SLIT2: variants seen among roughly 807,000 people sequenced by gnomAD.
SLIT2 encodes slit guidance ligand 2.
SLIT2 carries 41 observed loss-of-function variants against 185.7 expected under a neutral mutation model. That is an observed-to-expected ratio of 0.22 (90% CI 0.17 to 0.29). The LOEUF is 0.29. Ranked by LOEUF, SLIT2 falls within the 10% of genes least tolerant of loss-of-function variation. The probability of loss-of-function intolerance (pLI) is 1.00; values close to 1 mark genes in which losing one functional copy is unlikely to be tolerated. For missense variants in SLIT2, 1,571 were observed against 1,909.0 expected (o/e 0.82, Z 3.30); for synonymous variants, 693 against 680.2 (o/e 1.02, Z -0.29).
intron 4 of SLIT2, among the ~76,000 whole-genome samples, chr4:20,309,566 C>T (rs1325281926): frequency 6.6e-6 from 1 of 151,838 alleles, no homozygotes; most frequent in Non-Finnish European, 1.5e-5. Flanking sequence ...AAATAAAATC[C>T]TCTTTACTTG....
chr4:20,459,144 C>T (rs1356462631), intron 4 of SLIT2, among the ~76,000 whole-genome samples: 1 of 149,824 alleles, frequency 6.7e-6, no homozygotes, highest in Non-Finnish European at 1.5e-5. Context: ...AAAAAAAAAA[C>T]AGTTTTGGTG....
At chr4:20,300,861 A>G (rs747464097) in intron 4 of SLIT2, among the ~76,000 whole-genome samples, 8 of 152,142 alleles carry the variant, frequency 5.3e-5, no homozygotes, top group Non-Finnish European at 1.0e-4. Flanking sequence ...TGATTATGCT[A>G]TCAGGAGCCT....
intron 9 of SLIT2, among the ~76,000 whole-genome samples, chr4:20,492,368 A>G (rs1487765713): frequency 6.6e-6 from 1 of 152,246 alleles, no homozygotes; most frequent in Non-Finnish European, 1.5e-5. Context: ...AAGAAAGGAT[A>G]ACATAAAGTC....
At chr4:20,411,908 A>G (rs1727286010) in intron 4 of SLIT2, among the ~76,000 whole-genome samples, 1 of 152,194 alleles carries the variant, frequency 6.6e-6, no homozygotes, top group African/African-American at 2.4e-5. Flanking sequence ...GGACAGCCGC[A>G]TAAGAGGAGA....
At chr4:20,388,539 C>T (rs1424175007) in intron 4 of SLIT2, among the ~76,000 whole-genome samples, 3 of 151,796 alleles carry the variant, frequency 2.0e-5, no homozygotes, top group Admixed American at 6.6e-5. Flanking sequence ...TTTGGGAGGC[C>T]GAGGCATGTG....
intron 3 of SLIT2, among the ~76,000 whole-genome samples, chr4:20,264,952 C>T (rs1712874725): frequency 6.6e-6 from 1 of 151,892 alleles, no homozygotes; most frequent in Non-Finnish European, 1.5e-5. Flanking sequence ...TCCTTTGATA[C>T]CATTGAGTGT....
Position 20,596,649 on chromosome 4 carries a change from A to T in SLIT2, c.3555A>T (p.Thr1185=), listed in dbSNP as rs954853419. The part of the protein sequence containing the change: ...SAKVRPQTNI[T]LQIATDEDSG... ...AGGTTCGGCCTCAGACGAACATAAC[A>T]CTTCAGGTAAGAGATCTCTCTCTAT... is the stretch of plus-strand genomic sequence containing the variant. Residue 1185 remains threonine, a synonymous_variant, in exon 32 of 37, where the codon ACA becomes ACT. Transcript: ENST00000504154. 3.1e-6 allele frequency: 5 copies of T among 1,612,056 alleles called. No homozygotes were observed. The highest frequency in any genetic ancestry group is 4.2e-6 in the Non-Finnish European group (5 of 1,179,788).
chr4:20,362,610 T>G (rs1289998206), intron 4 of SLIT2, among the ~76,000 whole-genome samples: 1 of 151,804 alleles, frequency 6.6e-6, no homozygotes, highest in Non-Finnish European at 1.5e-5. Context: ...TATTCTGTGC[T>G]GTTTTACTTT....
chr4:20,537,695 C>T (rs917879839), intron 18 of SLIT2, among the ~76,000 whole-genome samples: 2 of 152,132 alleles, frequency 1.3e-5, no homozygotes, highest in Non-Finnish European at 2.9e-5. Flanking sequence ...CATTTTAGAA[C>T]CAAACTCAGG....
intron 14 of SLIT2, 127 bp downstream of exon 14, chr4:20,524,304 G>T (rs2148849899): frequency 1.2e-6 from 1 of 806,160 alleles, no homozygotes; most frequent in Non-Finnish European, 2.0e-6. Context: ...TTCTGCCCAT[G>T]AATAATAAAA....
chr4:20,451,955 A>C (rs1712521881), intron 4 of SLIT2, among the ~76,000 whole-genome samples: 1 of 152,242 alleles, frequency 6.6e-6, no homozygotes, highest in African/African-American at 2.4e-5. Context: ...GACAGCTGGC[A>C]AAACAACCAA....
At chr4:20,487,656 C>G (rs1186838390) in intron 7 of SLIT2, among the ~76,000 whole-genome samples, 1 of 152,142 alleles carries the variant, frequency 6.6e-6, no homozygotes, top group East Asian at 1.9e-4. Context: ...TCCAAGCAAA[C>G]CGAGCAAGAG....
intron 18 of SLIT2, among the ~76,000 whole-genome samples, chr4:20,538,450 G>A (rs1445223370): frequency 6.6e-6 from 1 of 152,112 alleles, no homozygotes; most frequent in Admixed American, 6.5e-5. Context: ...GAATGCAAAC[G>A]TTTATATTTC....
chr4:20,472,314 A>C (rs561650646), intron 5 of SLIT2, among the ~76,000 whole-genome samples: 309 of 17,796 alleles, frequency 0.017, 27 homozygotes, highest in African/African-American at 0.084. Flanking sequence ...ATCTATATAT[A>C]GATATATATA....
intron 34 of SLIT2, among the ~76,000 whole-genome samples, chr4:20,613,196 G>C (rs1457365342): frequency 1.3e-5 from 2 of 152,090 alleles, no homozygotes; most frequent in Non-Finnish European, 2.9e-5. Flanking sequence ...TAAAGACACA[G>C]GCATGCATAT....
At chr4:20,411,515 A>G (rs1727257221) in intron 4 of SLIT2, among the ~76,000 whole-genome samples, 1 of 152,196 alleles carries the variant, frequency 6.6e-6, no homozygotes, top group Non-Finnish European at 1.5e-5. Context: ...CTGACACTCT[A>G]GAATCTTGCT....
chr4:20,487,797 G>C (rs149665012), intron 7 of SLIT2, among the ~76,000 whole-genome samples: 1 of 152,124 alleles, frequency 6.6e-6, no homozygotes, highest in Non-Finnish European at 1.5e-5. Context: ...AAATTCCTTT[G>C]CTTTGGTTGG....
intron 4 of SLIT2, among the ~76,000 whole-genome samples, chr4:20,439,294 TAAAC>T (rs1269970243): frequency 6.6e-6 from 1 of 152,192 alleles, no homozygotes; most frequent in African/African-American, 2.4e-5. Context: ...CTTTGTAACT[TAAAC>T]AAAAGAAATT....
intron 4 of SLIT2, among the ~76,000 whole-genome samples, chr4:20,333,856 GAAACTTT>G (rs1204350491): frequency 6.6e-6 from 1 of 152,138 alleles, no homozygotes; most frequent in Non-Finnish European, 1.5e-5. Context: ...GGTTTCAGAA[GAAACTTT>G]ATTAGGGACT....
Sources: gnomAD v4.1 joint callset for allele counts (sites outside exome capture counted in the v4.1 genomes callset) on GRCh38, gnomAD v4.1.1 for gene constraint, MANE v1.5 for transcripts, NCBI Gene and HGNC (gene_info 2026-07-23, HGNC 2026-07-21) for gene names.